TAB2: variants seen among roughly 807,000 people sequenced by gnomAD.
The protein encoded by TAB2 is TGF-beta-activated kinase 1 and MAP3K7-binding protein 2.
TAB2 carries 3 observed loss-of-function variants against 65.0 expected under a neutral mutation model. The ratio of observed to expected loss-of-function variants is 0.05; its 90% CI spans 0.02 to 0.12. The LOEUF is 0.12. Ranked by LOEUF, TAB2 falls within the 10% of genes least tolerant of loss-of-function variation. The pLI is 1.00. For missense variants in TAB2, 623 were observed against 840.3 expected, an observed-to-expected ratio of 0.74 and a Z score of 3.20; for synonymous variants, 298 against 285.1, an observed-to-expected ratio of 1.05 and a Z score of -0.46.
At chr6:149,398,315 A>G (rs1216449303) in intron 5 of TAB2, among the ~76,000 whole-genome samples, 2 of 152,246 alleles carry the variant, frequency 1.3e-5, no homozygotes, top group African/African-American at 4.8e-5. Flanking sequence ...CTTATACTTG[A>G]GCTATTAATG....
intron 1 of TAB2, among the ~76,000 whole-genome samples, chr6:149,286,803 G>A (rs1341678373): frequency 1.3e-5 from 2 of 152,006 alleles, no homozygotes; most frequent in African/African-American, 4.8e-5. Flanking sequence ...ATATTAAGGG[G>A]AAAAAAGGAG....
rs5880832 is a variant in TAB2 at position 149,320,672 on chromosome 6, AT to A, written c.-90+2666del. 2.2e-4 allele frequency among the ~76,000 whole-genome samples: 34 copies of A among 151,372 alleles called. No individual in the cohort carries two copies. The South Asian group carries it at 3.1e-3, about 14-fold the overall frequency. ...AGGAATGTGTATTTTCTAAAACAGC[AT>A]TTTTTTTTGAGTTATATAAACAGAT... On this transcript the variant is annotated intron_variant, in intron 1 of 6. Transcript: ENST00000637181.
intron 2 of TAB2, chr6:149,372,408 CAG>C (rs1781259740): frequency 6.6e-6 from 1 of 152,142 alleles, no homozygotes; most frequent in Non-Finnish European, 1.5e-5. Context: ...CCTGATGGGA[CAG>C]AGTTAGGACT....
At chr6:149,289,336 G>A (rs1281693076) in intron 1 of TAB2, among the ~76,000 whole-genome samples, 2 of 151,684 alleles carry the variant, frequency 1.3e-5, no homozygotes, top group Non-Finnish European at 2.9e-5. Context: ...CAAGGTCATA[G>A]TGAGCTATGT....
intron 1 of TAB2, among the ~76,000 whole-genome samples, chr6:149,356,723 C>G (rs1780665443): frequency 6.6e-6 from 1 of 152,158 alleles, no homozygotes; most frequent in African/African-American, 2.4e-5. Flanking sequence ...ACCATTCACA[C>G]CATAGCAGGT....
At chr6:149,244,249 C>T (rs1243972040) in intron 1 of TAB2, 2 of 152,276 alleles carry the variant, frequency 1.3e-5, no homozygotes, top group African/African-American at 2.4e-5. Flanking sequence ...ACCCCTTCAA[C>T]TGAGCCTCTA....
At chr6:149,292,768 A>G (rs1778800558) in intron 1 of TAB2, among the ~76,000 whole-genome samples, 1 of 152,238 alleles carries the variant, frequency 6.6e-6, no homozygotes, top group African/African-American at 2.4e-5. Context: ...TACCTTAGTT[A>G]AGCAACAATG....
intron 2 of TAB2, among the ~76,000 whole-genome samples, chr6:149,375,903 C>T (rs1407612574): frequency 1.3e-5 from 2 of 152,128 alleles, no homozygotes; most frequent in Non-Finnish European, 2.9e-5. Flanking sequence ...AAACCTTGCT[C>T]ACTATCCTTT....
At chr6:149,288,444 G>T (rs752768917) in intron 1 of TAB2, among the ~76,000 whole-genome samples, 8 of 152,124 alleles carry the variant, frequency 5.3e-5, no homozygotes, top group Non-Finnish European at 1.2e-4. Context: ...TTTTTCTCTG[G>T]TCCTGCCCAT....
At chr6:149,297,979 C>T (rs1195404058) in intron 1 of TAB2, among the ~76,000 whole-genome samples, 1 of 152,038 alleles carries the variant, frequency 6.6e-6, no homozygotes, top group Non-Finnish European at 1.5e-5. Flanking sequence ...TGGGACAATA[C>T]ATTGGATTAT....
chr6:149,233,656 A>G (rs549743772), intron 1 of TAB2, among the ~76,000 whole-genome samples: 1 of 152,338 alleles, frequency 6.6e-6, no homozygotes, highest in East Asian at 1.9e-4. Flanking sequence ...GTTTTCTCCA[A>G]TAGATTAGTC....
At chr6:149,235,551 A>C (rs1777479962) in intron 1 of TAB2, among the ~76,000 whole-genome samples, 1 of 152,226 alleles carries the variant, frequency 6.6e-6, no homozygotes, top group Non-Finnish European at 1.5e-5. Context: ...CTTGAGCAAA[A>C]AGATACATTG....
chr6:149,349,572 C>T (rs144433621), intron 1 of TAB2, among the ~76,000 whole-genome samples: 1 of 152,138 alleles, frequency 6.6e-6, no homozygotes, highest in East Asian at 1.9e-4. Context: ...TCATATGCTG[C>T]TTGTTTTAGC....
At chr6:149,274,442 T>C (rs1000610600) in intron 1 of TAB2, among the ~76,000 whole-genome samples, 1 of 152,252 alleles carries the variant, frequency 6.6e-6, no homozygotes, top group African/African-American at 2.4e-5. Flanking sequence ...TGAAATATTA[T>C]CATGGCTTTG....
intron 1 of TAB2, among the ~76,000 whole-genome samples, chr6:149,256,957 T>C (rs1268350926): frequency 6.6e-6 from 1 of 152,236 alleles, no homozygotes; most frequent in Non-Finnish European, 1.5e-5. Flanking sequence ...TTAAATTAAT[T>C]TGGACCATAG....
chr6:149,406,919 G>A (rs544360258), intron 6 of TAB2, among the ~76,000 whole-genome samples: 2 of 152,188 alleles, frequency 1.3e-5, no homozygotes, highest in East Asian at 3.9e-4. Context: ...GTTTCTCCAC[G>A]TTGGTCAAGC....
intron 2 of TAB2, among the ~76,000 whole-genome samples, chr6:149,371,065 C>CA (rs33926884): frequency 0.41 from 29,392 of 72,070 alleles, 6,686 homozygotes; most frequent in Middle Eastern, 0.57. Context: ...GACCCTATCT[C>CA]AAAAAAAAAA....
intron 1 of TAB2, among the ~76,000 whole-genome samples, chr6:149,283,565 C>A (rs2036657454): frequency 6.6e-6 from 1 of 152,006 alleles, no homozygotes; most frequent in Non-Finnish European, 1.5e-5. Context: ...CAAAAATTAG[C>A]CAGGCAAGGT....
intron 1 of TAB2, among the ~76,000 whole-genome samples, chr6:149,269,764 A>C (rs958386749): frequency 8.5e-5 from 13 of 152,224 alleles, no homozygotes; most frequent in South Asian, 2.1e-4. Context: ...GTTGTTGCAT[A>C]TATCTGTAAT....
Sources: gnomAD v4.1 joint callset for allele counts (sites outside exome capture counted in the v4.1 genomes callset) on GRCh38, gnomAD v4.1.1 for gene constraint, MANE v1.5 for transcripts, NCBI Gene and HGNC (gene_info 2026-07-23, HGNC 2026-07-21) for gene names.